Variants in ROCK2 observed in about 807,000 individuals in gnomAD.
ROCK2 encodes the protein Rho associated coiled-coil containing protein kinase 2.
A neutral mutation model predicts 195.1 loss-of-function variants in ROCK2; 61 were observed. That is an observed-to-expected ratio of 0.31 (90% CI 0.25 to 0.39). ROCK2 has a LOEUF of 0.39. ROCK2 is among the 10% of genes least tolerant of loss of function. The pLI, the probability that ROCK2 is intolerant of heterozygous loss-of-function variation, is 1.00. For synonymous variants in ROCK2, 504 were observed against 545.5 expected (o/e 0.92, Z 1.06); for missense variants, 1,109 against 1,637.4 (o/e 0.68, Z 5.57).
chr2:11,221,717 C>T (rs551389975), intron 8 of ROCK2, among the ~76,000 whole-genome samples: 1 of 152,242 alleles, frequency 6.6e-6, no homozygotes, highest in South Asian at 2.1e-4. Context: ...ACTATGCTTA[C>T]AGCAATATTT....
At chr2:11,290,666 T>C (rs1448861476) in intron 1 of ROCK2, among the ~76,000 whole-genome samples, 1 of 151,684 alleles carries the variant, frequency 6.6e-6, no homozygotes, top group Non-Finnish European at 1.5e-5. Flanking sequence ...AATGGGTACG[T>C]GCTAAAAGTC....
chr2:11,300,412 C>T (rs970027856), intron 1 of ROCK2, among the ~76,000 whole-genome samples: 9 of 151,946 alleles, frequency 5.9e-5, no homozygotes, highest in African/African-American at 1.2e-4. Context: ...TACAGGCACC[C>T]GCCACCACGC....
At chr2:11,298,829 G>A (rs986441832) in intron 1 of ROCK2, among the ~76,000 whole-genome samples, 5 of 152,136 alleles carry the variant, frequency 3.3e-5, no homozygotes, top group Non-Finnish European at 7.3e-5. Flanking sequence ...GAGCTGCCCT[G>A]CTGGAGAATC....
chr2:11,226,735 G>C (rs1664823227), intron 6 of ROCK2, among the ~76,000 whole-genome samples: 1 of 151,554 alleles, frequency 6.6e-6, no homozygotes, highest in South Asian at 2.1e-4. Flanking sequence ...AACATGATGA[G>C]ACCACTCCCT....
intron 1 of ROCK2, among the ~76,000 whole-genome samples, chr2:11,322,328 GA>G (rs1381999802): frequency 6.6e-6 from 1 of 151,662 alleles, no homozygotes; most frequent in Non-Finnish European, 1.5e-5. Context: ...AAAAGAATAA[GA>G]AAAAATAAAG....
rs570420793 is a variant in ROCK2, at chr2:11,302,764, AT to A, written c.142-15029del. On this transcript the variant is annotated intron_variant, in intron 1 of 32. Coordinates refer to ENST00000315872, the MANE Select transcript of ROCK2 (RefSeq NM_004850.5). The stretch of plus-strand genomic sequence containing the variant: ...AATAACTCGTTAATAATTTTAAAAT[AT>A]TGATTACATGTTAAAATAATACTTT... Among the ~76,000 whole-genome samples, 973 of 152,358 alleles carry A rather than the reference AT, an allele frequency of 6.4e-3. 4 individuals carry two copies. Among genetic ancestry groups the A allele is most frequent in the African/African-American group, 0.021 (885 of 41,584 alleles).
chr2:11,220,158 C>T (rs2148074029), intron 9 of ROCK2, among the ~76,000 whole-genome samples: 1 of 152,202 alleles, frequency 6.6e-6, no homozygotes, highest in East Asian at 1.9e-4. Flanking sequence ...GCTGGGATTA[C>T]AGGCATGTGC....
At chr2:11,262,535 T>C (rs10187982) in intron 3 of ROCK2, among the ~76,000 whole-genome samples, 228 of 152,248 alleles carry the variant, frequency 1.5e-3, no homozygotes, top group African/African-American at 5.2e-3. Flanking sequence ...GTCTTTCCTG[T>C]GCTGTTCTCA....
At chr2:11,335,845 G>C in intron 1 of ROCK2, among the ~76,000 whole-genome samples, 1 of 152,130 alleles carries the variant, frequency 6.6e-6, no homozygotes, top group East Asian at 1.9e-4. Context: ...TCAGGTATAT[G>C]ATGATATAAT....
At position 11,183,229 on chromosome 2, in the gene ROCK2, C is replaced by A; in HGVS notation, c.*208G>T. The A allele has an allele frequency of 2.1e-6, 1 of 481,158 alleles. No homozygotes were observed. The allele number at this position is 481,158 out of a possible 1,614,324, so 29.8% of individuals were successfully genotyped here. Reference sequence around the variant, plus strand: ...ATATATCCTTAGTCTATCAACCAATCATTGTTGGTTCAACCTGTTGCTTCA... The same window carrying A: ...ATATATCCTTAGTCTATCAACCAATAATTGTTGGTTCAACCTGTTGCTTCA... On this transcript the variant is annotated 3_prime_UTR_variant, in exon 33 of 33. Transcript: ENST00000315872.
At chr2:11,345,013 G>T (rs56309145), upstream of ROCK2, among the ~76,000 whole-genome samples, 12 of 150,752 alleles carry the variant, frequency 8.0e-5, no homozygotes, top group Non-Finnish European at 1.2e-4. Context: ...CCGTGCGCTG[G>T]GGGGGAGCCC....
intron 3 of ROCK2, among the ~76,000 whole-genome samples, chr2:11,261,786 T>C (rs138238084): frequency 2.2e-3 from 336 of 152,198 alleles, no homozygotes; most frequent in African/African-American, 7.5e-3. Flanking sequence ...GATCACGCCA[T>C]TGCACTCCAG....
chr2:11,241,117 A>T (rs934249531), intron 4 of ROCK2, among the ~76,000 whole-genome samples: 5 of 152,228 alleles, frequency 3.3e-5, no homozygotes, highest in Non-Finnish European at 2.9e-5. Context: ...CCCTACAAGG[A>T]TATATGTAAT....
chr2:11,344,313 G>A lies in ROCK2; in HGVS notation c.-177C>T. On this transcript the variant is annotated 5_prime_UTR_variant, in exon 1 of 33. Transcript: ENST00000315872. This position sits in a 1 kb window ranked among gnomAD's most constrained non-coding sequence, Gnocchi z 5.4. ...CCCCGCCTGGGGGCTGCTCCCAGGG[G>A]CCCGCCCGGCCCAGCCCGGCCCAGC... 1.6e-6 allele frequency: 2 copies of A among 1,214,050 alleles called. No homozygotes were observed. Among genetic ancestry groups the A allele is most frequent in the East Asian group, 3.4e-5 (1 of 29,040 alleles). The allele number at this position is 1,214,050 out of a possible 1,614,324, so 75.2% of individuals were successfully genotyped here. A position where few individuals can be genotyped will look rare whatever the true frequency, so the allele number is the denominator to read the frequency against.
Position 11,183,212 on chromosome 2 carries a change from T to G in ROCK2, c.*225A>C. 1 of 454,680 alleles carries G rather than the reference T, an allele frequency of 2.2e-6. No individual in the cohort carries two copies. The allele number at this position is 454,680 out of a possible 1,614,324, so 28.2% of individuals were successfully genotyped here. Reference sequence around the variant, plus strand: ...AAGTCTGGAAGAGTTGCATATATCCTTAGTCTATCAACCAATCATTGTTGG... The same window carrying G: ...AAGTCTGGAAGAGTTGCATATATCCGTAGTCTATCAACCAATCATTGTTGG... On this transcript the variant is annotated 3_prime_UTR_variant, in exon 33 of 33. Transcript: ENST00000315872.
intron 4 of ROCK2, among the ~76,000 whole-genome samples, chr2:11,244,808 A>G (rs528299362): frequency 7.9e-5 from 12 of 152,244 alleles, no homozygotes; most frequent in African/African-American, 2.9e-4. Context: ...AAAGCTTTGC[A>G]AGTAAGTTCA....
At chr2:11,245,677 G>A (rs1422912780) in intron 4 of ROCK2, among the ~76,000 whole-genome samples, 1 of 152,150 alleles carries the variant, frequency 6.6e-6, no homozygotes, top group Non-Finnish European at 1.5e-5. Context: ...GTTTAAGATA[G>A]GTCTGGAGCA....
At chr2:11,317,215 C>A (rs1374017651) in intron 1 of ROCK2, among the ~76,000 whole-genome samples, 1 of 151,654 alleles carries the variant, frequency 6.6e-6, no homozygotes, top group East Asian at 1.9e-4. Context: ...AAATAAGTGG[C>A]CTGAAATAAT....
At chr2:11,319,804 T>C (rs922206581) in intron 1 of ROCK2, among the ~76,000 whole-genome samples, 18 of 152,184 alleles carry the variant, frequency 1.2e-4, no homozygotes, top group Admixed American at 8.5e-4. Flanking sequence ...AAACACCTTA[T>C]TTCCTTGGCA....
Sources: allele counts gnomAD v4.1 joint callset (sites outside exome capture counted in the v4.1 genomes callset), GRCh38; gene constraint gnomAD v4.1.1; non-coding constraint Gnocchi (gnomAD v3.1); transcripts MANE v1.5; gene names NCBI Gene and HGNC (gene_info 2026-07-23, HGNC 2026-07-21).